Variants in DAB1 observed in about 807,000 individuals in gnomAD.
DAB1 encodes the protein DAB adaptor protein 1.
In DAB1, 15 loss-of-function variants were observed where a neutral mutation model predicts 64.6. The observed-to-expected ratio is 0.23, with a 90% CI of 0.16 to 0.36. The LOEUF (loss-of-function observed/expected upper bound fraction) is 0.36, where lower values mean the gene tolerates loss of function less well. Among genes scored for constraint, DAB1 ranks in the 10% least tolerant of loss-of-function variants. The pLI, the probability that DAB1 is intolerant of heterozygous loss-of-function variation, is 1.00. For synonymous variants in DAB1, 235 were observed against 251.9 expected (o/e 0.93, Z 0.64); for missense variants, 596 against 706.7 (o/e 0.84, Z 1.78).
At chr1:58,493,046 C>T (rs1645727684) in intron 3 of DAB1, among the ~76,000 whole-genome samples, 1 of 152,174 alleles carries the variant, frequency 6.6e-6, no homozygotes, top group African/African-American at 2.4e-5. Context: ...AATCCAGCAG[C>T]ACATCGAAAA....
intron 5 of DAB1, among the ~76,000 whole-genome samples, chr1:58,086,554 T>C (rs1446464492): frequency 6.6e-6 from 1 of 152,118 alleles, no homozygotes; most frequent in African/African-American, 2.4e-5. Flanking sequence ...AAGTCTTTGA[T>C]GGTACCTCAT....
chr1:58,312,880 T>C (rs1662461621), intron 4 of DAB1, among the ~76,000 whole-genome samples: 1 of 151,906 alleles, frequency 6.6e-6, no homozygotes, highest in African/African-American at 2.4e-5. Flanking sequence ...TGAATAGCAT[T>C]ATTATGAAGA....
intron 6 of DAB1, among the ~76,000 whole-genome samples, chr1:57,708,223 C>G (rs1244497091): frequency 6.6e-6 from 1 of 152,206 alleles, no homozygotes; most frequent in Non-Finnish European, 1.5e-5. Flanking sequence ...CCAGCAGATT[C>G]CCTTCCAGCT....
At chr1:57,817,423 G>T (rs1651916942) in intron 6 of DAB1, among the ~76,000 whole-genome samples, 1 of 152,192 alleles carries the variant, frequency 6.6e-6, no homozygotes, top group African/African-American at 2.4e-5. Context: ...GCCCATGAAG[G>T]GTCAGACATC....
chr1:57,078,288 A>G (rs1286798260), intron 4 of DAB1, among the ~76,000 whole-genome samples: 1 of 152,158 alleles, frequency 6.6e-6, no homozygotes, highest in African/African-American at 2.4e-5. Context: ...GTGATAATGG[A>G]GGAAAGATAT....
At chr1:58,339,793 T>C (rs1663208132) in intron 4 of DAB1, among the ~76,000 whole-genome samples, 1 of 152,218 alleles carries the variant, frequency 6.6e-6, no homozygotes, top group Non-Finnish European at 1.5e-5. Flanking sequence ...AATATTTTAG[T>C]TGCTTCTCAC....
intron 5 of DAB1, among the ~76,000 whole-genome samples, chr1:57,987,510 CA>C (rs1176948777): frequency 6.6e-6 from 1 of 152,192 alleles, no homozygotes; most frequent in Non-Finnish European, 1.5e-5. Context: ...CCCCAAGATT[CA>C]AACTGAAGTG....
chr1:57,175,952 C>T (rs1279904133), intron 2 of DAB1, among the ~76,000 whole-genome samples: 4 of 152,128 alleles, frequency 2.6e-5, no homozygotes, highest in African/African-American at 7.2e-5. Context: ...CAGTTTATTA[C>T]CACATAGACA....
At chr1:58,462,205 C>T (rs1645250731) in intron 3 of DAB1, among the ~76,000 whole-genome samples, 1 of 150,352 alleles carries the variant, frequency 6.7e-6, no homozygotes, top group African/African-American at 2.5e-5. Context: ...CGGCTCACTG[C>T]AAGCTCCGCT....
chr1:57,459,770 C>A (rs1570540334), intron 7 of DAB1, among the ~76,000 whole-genome samples: 1 of 152,174 alleles, frequency 6.6e-6, no homozygotes, highest in Admixed American at 6.5e-5. Flanking sequence ...TGTTCTCATG[C>A]CACTCTGCCC....
chr1:57,899,672 A>C (rs1234813124), intron 5 of DAB1, among the ~76,000 whole-genome samples: 1 of 151,786 alleles, frequency 6.6e-6, no homozygotes, highest in Non-Finnish European at 1.5e-5. Flanking sequence ...GTTTTCCACA[A>C]AGCTTCCCAA....
chr1:57,436,357 C>G (rs1685695958), intron 7 of DAB1, among the ~76,000 whole-genome samples: 1 of 152,172 alleles, frequency 6.6e-6, no homozygotes, highest in Non-Finnish European at 1.5e-5. Context: ...ATAGGACCAT[C>G]ATCATATGAC....
chr1:58,039,107 C>T (rs1362088276), intron 5 of DAB1, among the ~76,000 whole-genome samples: 4 of 152,172 alleles, frequency 2.6e-5, no homozygotes, highest in African/African-American at 9.7e-5. Context: ...CTTGCTGTTA[C>T]TGCAGACTGC....
chr1:58,090,870 T>G (rs893888669), intron 5 of DAB1, among the ~76,000 whole-genome samples: 1 of 152,162 alleles, frequency 6.6e-6, no homozygotes, highest in Admixed American at 6.5e-5. Context: ...CTGGCAGAGG[T>G]GACACTTGAG....
chr1:58,289,436 C>T (rs2100448354), intron 4 of DAB1, among the ~76,000 whole-genome samples: 1 of 152,208 alleles, frequency 6.6e-6, no homozygotes, highest in East Asian at 1.9e-4. Flanking sequence ...AGTCATTTTC[C>T]CCTCATTAAA....
intron 6 of DAB1, among the ~76,000 whole-genome samples, chr1:57,685,722 A>T (rs1168832966): frequency 6.6e-6 from 1 of 152,224 alleles, no homozygotes; most frequent in Non-Finnish European, 1.5e-5. Flanking sequence ...CTCAGATCAC[A>T]GTGCAATAAA....
intron 1 of DAB1, among the ~76,000 whole-genome samples, chr1:57,373,344 C>T (rs931308801): frequency 3.3e-5 from 5 of 151,962 alleles, no homozygotes; most frequent in African/African-American, 9.7e-5. Context: ...CAACACATAA[C>T]GGGGCTGATA....
At chr1:57,296,871 T>C (rs1215745469) in intron 1 of DAB1, among the ~76,000 whole-genome samples, 1 of 152,118 alleles carries the variant, frequency 6.6e-6, no homozygotes, top group African/African-American at 2.4e-5. Context: ...AGATGCTAAG[T>C]CCGGGAAAAA....
chr1:57,022,859 G>GGAAC (rs1239894996), intron 11 of DAB1, among the ~76,000 whole-genome samples: 9 of 152,288 alleles, frequency 5.9e-5, no homozygotes, highest in African/African-American at 2.2e-4. Flanking sequence ...CTGGCCACAT[G>GGAAC]GAACGCCTCA....
Sources: allele counts gnomAD v4.1 joint callset (sites outside exome capture counted in the v4.1 genomes callset), GRCh38; gene constraint gnomAD v4.1.1; transcripts MANE v1.5; gene names NCBI Gene and HGNC (gene_info 2026-07-23, HGNC 2026-07-21).